UROS: variants seen among roughly 807,000 people sequenced by gnomAD.
UROS encodes uroporphyrinogen III synthase.
Under a neutral mutation model 33.0 loss-of-function variants are expected in UROS, and 18 were observed. The observed-to-expected ratio is 0.55, with a 90% CI of 0.38 to 0.81. The LOEUF is 0.81. UROS is among the 30% of genes least tolerant of loss of function. UROS has a pLI of 0.00. For synonymous variants in UROS, 114 were observed against 121.1 expected (o/e 0.94, Z 0.38); for missense variants, 293 against 314.9 (o/e 0.93, Z 0.53).
chr10:125,792,211 A>G (rs1850987621), intron 9 of UROS: 1 of 152,252 alleles, frequency 6.6e-6, no homozygotes, highest in African/African-American at 2.4e-5. Flanking sequence ...GCAAATGGCA[A>G]ACATGACTGT....
intron 6 of UROS, 139 bp downstream of exon 6, chr10:125,807,274 C>T: frequency 1.3e-6 from 1 of 764,616 alleles, no homozygotes; most frequent in Non-Finnish European, 2.2e-6. Flanking sequence ...AGGCTATGCT[C>T]CCAGAGTGGG....
At chr10:125,800,959 C>A (rs923685016) in intron 6 of UROS, among the ~76,000 whole-genome samples, 5 of 152,182 alleles carry the variant, frequency 3.3e-5, no homozygotes, top group African/African-American at 1.2e-4. Flanking sequence ...AGACAAGAAC[C>A]CAGATTTAGC....
At chr10:125,788,041 T>C (rs1850681470), downstream of UROS, among the ~76,000 whole-genome samples, 1 of 152,110 alleles carries the variant, frequency 6.6e-6, no homozygotes. Context: ...TTATGAGGAA[T>C]GGAGATCAGA....
intron 6 of UROS, chr10:125,807,018 A>C (rs1421050463): frequency 4.2e-6 from 1 of 237,260 alleles, no homozygotes; most frequent in East Asian, 1.0e-4. Flanking sequence ...CCTGGGAGCA[A>C]GCTGGGAGAG....
intron 1 of UROS, among the ~76,000 whole-genome samples, chr10:125,821,017 C>A (rs144451450): frequency 1.3e-5 from 2 of 152,260 alleles, no homozygotes; most frequent in African/African-American, 4.8e-5. Flanking sequence ...GCTTTTTCCC[C>A]TACTTGTCTT....
intron 6 of UROS, 67 bp downstream of exon 6, chr10:125,807,346 C>T: frequency 7.4e-7 from 1 of 1,354,546 alleles, no homozygotes; most frequent in Admixed American, 1.7e-5. Context: ...ATTCTTTTCC[C>T]TAGGTAGTGG....
At chr10:125,808,125 C>T (rs1270074893) in intron 5 of UROS, among the ~76,000 whole-genome samples, 4 of 152,202 alleles carry the variant, frequency 2.6e-5, no homozygotes, top group Admixed American at 2.6e-4. Flanking sequence ...AAGAAGCTAA[C>T]AGACTCAGGC....
At chr10:125,816,558 G>C in intron 1 of UROS, 33 bp from the exon 2 acceptor site, 1 of 1,606,798 alleles carries the variant, frequency 6.2e-7, no homozygotes, top group Middle Eastern at 1.7e-4. Context: ...ATCTTAATTA[G>C]ATCTCAAAGA....
chr10:125,794,307 G>A lies in UROS; in HGVS notation c.660+573C>T, dbSNP rs1161822107. On this transcript the variant is annotated intron_variant, in intron 9 of 9. Coordinates refer to ENST00000368797, the MANE Select transcript of UROS (RefSeq NM_000375.3). Reference sequence around the variant, plus strand: ...GCCTTTTGCTCTTCCTGACTGCAGTGAGTGGCAGTGTCTGTCCTTGGGCTC... The same window carrying A: ...GCCTTTTGCTCTTCCTGACTGCAGTAAGTGGCAGTGTCTGTCCTTGGGCTC... The A allele has an allele frequency of 1.8e-5, 18 of 989,976 alleles. No individual in the cohort carries two copies. The East Asian group carries it at 1.8e-3, about 99-fold the overall frequency. 61.3% of individuals were successfully genotyped at this position (989,976 alleles called of 1,614,324 possible).
At chr10:125,802,813 C>G in intron 6 of UROS, 2 of 1,465,680 alleles carry the variant, frequency 1.4e-6, no homozygotes, top group Non-Finnish European at 1.8e-6. Flanking sequence ...CTGTGCGAGG[C>G]CCTGTGCGCT....
At chr10:125,786,089 G>A (rs778843415), downstream of UROS, among the ~76,000 whole-genome samples, 1 of 152,080 alleles carries the variant, frequency 6.6e-6, no homozygotes, top group Non-Finnish European at 1.5e-5. Flanking sequence ...TCAGGGTGTC[G>A]AGTGAGACTC....
rs369561042 is a variant in UROS at position 125,807,480 on chromosome 10, T to G, written c.327A>C (p.Lys109Asn). ...VGNATASLVS[K>N]IGLDTEGETC... ...TTTCTCCTTCTGTATCCAGGCCAAT[T>G]TTACTCACTGGAAAACCACAAAGAA... The change falls in exon 6 of 10, where the codon AAA becomes AAC. Residue 109 changes from lysine (K) to asparagine (N), a missense_variant. Transcript: ENST00000368797. The G allele has an allele frequency of 2.0e-5, 32 of 1,613,756 alleles. No homozygotes were observed. Among genetic ancestry groups the G allele is most frequent in the Non-Finnish European group, 2.5e-5 (30 of 1,179,812 alleles).
At chr10:125,813,684 G>A (rs748212881) in intron 4 of UROS, among the ~76,000 whole-genome samples, 14 of 152,172 alleles carry the variant, frequency 9.2e-5, no homozygotes, top group Non-Finnish European at 2.1e-4. Context: ...TCACCATGTT[G>A]GCCAGGCTGG....
At chr10:125,804,405 G>C (rs1178844777) in intron 6 of UROS, among the ~76,000 whole-genome samples, 1 of 152,202 alleles carries the variant, frequency 6.6e-6, no homozygotes, top group Admixed American at 6.5e-5. Flanking sequence ...TCATCTGGCT[G>C]TTTATCTGTG....
Position 125,800,240 on chromosome 10 carries a change from G to A in UROS, c.395-2095C>T, listed in dbSNP as rs564350088. ...TCAAGCCCAGAACAGCCTGAAGTCT[G>A]AAAGACCAGATTGCTGGTCCCAGAT... On this transcript the variant is annotated intron_variant, in intron 6 of 9. Transcript: ENST00000368797. Among the ~76,000 whole-genome samples the A allele has an allele frequency of 2.6e-5, 4 of 152,358 alleles. No individual in the cohort carries two copies. In the South Asian group the frequency reaches 8.3e-4, roughly 32 times the overall value.
intron 9 of UROS, 54 bp downstream of exon 9, chr10:125,794,825 AT>A: frequency 1.3e-6 from 2 of 1,499,074 alleles, no homozygotes; most frequent in East Asian, 2.3e-5. Context: ...ATTCATAAAG[AT>A]TAAAAAAAAA....
chr10:125,805,339 C>T (rs753166241), intron 6 of UROS, among the ~76,000 whole-genome samples: 1 of 152,204 alleles, frequency 6.6e-6, no homozygotes, highest in Non-Finnish European at 1.5e-5. Flanking sequence ...TGGCCAGCAT[C>T]TCCTTGAGAG....
At chr10:125,821,378 G>A (rs903207523) in intron 1 of UROS, among the ~76,000 whole-genome samples, 4 of 152,236 alleles carry the variant, frequency 2.6e-5, no homozygotes, top group Non-Finnish European at 5.9e-5. Context: ...GAATGAAATA[G>A]TCACAAAAGG....
At chr10:125,789,141 G>T (rs2133798946) in intron 9 of UROS, 136 bp from the exon 10 acceptor site, 2 of 1,439,194 alleles carry the variant, frequency 1.4e-6, no homozygotes, top group East Asian at 4.7e-5. Context: ...TTATAAAAAT[G>T]ACAACACTGC....
Sources: allele counts gnomAD v4.1 joint callset (sites outside exome capture counted in the v4.1 genomes callset), GRCh38; gene constraint gnomAD v4.1.1; transcripts MANE v1.5; gene names NCBI Gene and HGNC (gene_info 2026-07-23, HGNC 2026-07-21).